RPS6KA5: variants seen among roughly 807,000 people sequenced by gnomAD.
RPS6KA5 encodes ribosomal protein S6 kinase A5.
RPS6KA5 carries 27 observed loss-of-function variants against 85.5 expected under a neutral mutation model. The observed-to-expected ratio is 0.32, with a 90% CI of 0.23 to 0.44. The LOEUF (loss-of-function observed/expected upper bound fraction) is 0.44, where lower values mean the gene tolerates loss of function less well. Ranked by LOEUF, RPS6KA5 falls within the 20% of genes least tolerant of loss-of-function variation. The pLI is 1.00. For synonymous variants in RPS6KA5, 334 were observed against 348.2 expected (o/e 0.96, Z 0.46); for missense variants, 811 against 980.9 (o/e 0.83, Z 2.31).
intron 13 of RPS6KA5, among the ~76,000 whole-genome samples, chr14:90,892,030 G>A (rs1424280016): frequency 1.4e-5 from 2 of 147,926 alleles, no homozygotes; most frequent in African/African-American, 5.0e-5. Context: ...AGACAGTCTT[G>A]CTCTGTTGCC....
chr14:90,860,586 T>C lies in RPS6KA5; in HGVS notation c.*11488A>G, dbSNP rs1595079408. Reference sequence around the variant, plus strand: ...CCTAGTATTTCATACAAGGCAAAAATATCCTTCAAAAATAAAGGTAACATT... The same window carrying C: ...CCTAGTATTTCATACAAGGCAAAAACATCCTTCAAAAATAAAGGTAACATT... On this transcript the variant is annotated 3_prime_UTR_variant, in exon 17 of 17. Coordinates refer to ENST00000614987, the MANE Select transcript of RPS6KA5 (RefSeq NM_004755.4). The C allele has an allele frequency of 2.0e-5, 3 of 152,092 alleles. 1 individual carries two copies. In the South Asian group the frequency reaches 6.2e-4, roughly 32 times the overall value. 9.4% of individuals were successfully genotyped at this position (152,092 alleles called of 1,614,324 possible).
chr14:90,983,433 C>G (rs1188514111), intron 2 of RPS6KA5, among the ~76,000 whole-genome samples: 1 of 151,758 alleles, frequency 6.6e-6, no homozygotes, highest in African/African-American at 2.4e-5. Context: ...GACCCCGTCT[C>G]TACAAAGAAC....
chr14:90,955,222 G>C (rs2038436672), intron 3 of RPS6KA5, among the ~76,000 whole-genome samples: 1 of 152,084 alleles, frequency 6.6e-6, no homozygotes, highest in Non-Finnish European at 1.5e-5. Flanking sequence ...GCTTCATTCT[G>C]TAAGTTTTAG....
intron 15 of RPS6KA5, 146 bp from the exon 16 acceptor site, chr14:90,873,941 A>G: frequency 1.7e-6 from 1 of 603,162 alleles, no homozygotes. Context: ...AGATTTTCCT[A>G]TTCATTTAAA....
At position 90,860,247 on chromosome 14, in the gene RPS6KA5, C is replaced by G. The variant is rs1180111819; in HGVS notation, c.*11827G>C. 1 of 152,156 alleles carries G rather than the reference C, an allele frequency of 6.6e-6. No individual in the cohort carries two copies. The highest frequency in any genetic ancestry group is 1.5e-5 in the Non-Finnish European group (1 of 68,040). 9.4% of individuals were successfully genotyped at this position (152,156 alleles called of 1,614,324 possible). A position where few individuals can be genotyped will look rare whatever the true frequency, so the allele number is the denominator to read the frequency against. On this transcript the variant is annotated 3_prime_UTR_variant, in exon 17 of 17. Coordinates refer to ENST00000614987, the MANE Select transcript of RPS6KA5 (RefSeq NM_004755.4). ...GGAATGATATCTTGAAAATGGTGAACCTAGGCTGGGCGCCAGTAGCTCACA... is the reference window on the plus strand; with the variant it reads ...GGAATGATATCTTGAAAATGGTGAAGCTAGGCTGGGCGCCAGTAGCTCACA...
At chr14:90,970,226 T>C (rs2039255953) in intron 3 of RPS6KA5, among the ~76,000 whole-genome samples, 1 of 152,210 alleles carries the variant, frequency 6.6e-6, no homozygotes, top group Non-Finnish European at 1.5e-5. Context: ...ATCTTATCAA[T>C]CTTGTGAATT....
intron 14 of RPS6KA5, among the ~76,000 whole-genome samples, chr14:90,886,290 A>G (rs958281608): frequency 2.0e-5 from 3 of 152,210 alleles, no homozygotes; most frequent in African/African-American, 7.2e-5. Flanking sequence ...ATTAAAAAAT[A>G]AGGTCCTGAG....
intron 3 of RPS6KA5, among the ~76,000 whole-genome samples, chr14:90,976,640 C>A (rs1570256): frequency 0.48 from 72,145 of 151,826 alleles, 17,615 homozygotes; most frequent in East Asian, 0.56. Flanking sequence ...ACATATATAT[C>A]AAAAAAATCA....
chr14:90,926,467 T>C (rs1218069680), intron 5 of RPS6KA5, among the ~76,000 whole-genome samples: 1 of 151,956 alleles, frequency 6.6e-6, no homozygotes. Flanking sequence ...ATCCAGAATA[T>C]TGCAAAAGTC....
chr14:91,037,312 G>C (rs1468489011), intron 1 of RPS6KA5, among the ~76,000 whole-genome samples: 2 of 152,246 alleles, frequency 1.3e-5, no homozygotes, highest in East Asian at 1.9e-4. Context: ...ACCTATCCTA[G>C]TCACTGCCCC....
chr14:90,983,833 C>T (rs1027373753), intron 2 of RPS6KA5, among the ~76,000 whole-genome samples: 18 of 140,494 alleles, frequency 1.3e-4, no homozygotes, highest in African/African-American at 4.9e-4. Flanking sequence ...CTCTCTCTCT[C>T]TCTCTCTTTC....
In RPS6KA5 at chr14:91,001,119, AT is replaced by A; in HGVS notation, c.143del (p.Asn48IlefsTer5). The A allele has an allele frequency of 6.2e-7, 1 of 1,601,750 alleles. No homozygotes were observed. On this transcript the variant is annotated frameshift_variant, in exon 2 of 17. Coordinates refer to ENST00000614987, the MANE Select transcript of RPS6KA5 (RefSeq NM_004755.4). LOFTEE classifies it high-confidence loss of function. ...TTCCTAGGACCTTCAGGAGCTCAAA[AT>A]TTTCTATTCCCACCTTCTCAGCATG... ...TGHAEKVGIE[N>X]FELLKVLGTG...
intron 14 of RPS6KA5, among the ~76,000 whole-genome samples, chr14:90,884,338 T>C (rs1378545839): frequency 6.6e-6 from 1 of 152,144 alleles, no homozygotes; most frequent in African/African-American, 2.4e-5. Flanking sequence ...CAAAACAAAC[T>C]TTCTGAGCGC....
intron 3 of RPS6KA5, among the ~76,000 whole-genome samples, chr14:90,976,144 A>T (rs933753904): frequency 2.6e-5 from 4 of 151,606 alleles, no homozygotes; most frequent in African/African-American, 4.8e-5. Context: ...CATGTTTTAT[A>T]AAAAAATTAC....
At chr14:90,979,770 G>A (rs1475455690) in intron 2 of RPS6KA5, among the ~76,000 whole-genome samples, 2 of 152,242 alleles carry the variant, frequency 1.3e-5, no homozygotes, top group African/African-American at 4.8e-5. Flanking sequence ...AAAACAGCCA[G>A]TGAAGCTGGT....
At chr14:90,956,008 A>C (rs1358094486) in intron 3 of RPS6KA5, among the ~76,000 whole-genome samples, 3 of 152,238 alleles carry the variant, frequency 2.0e-5, no homozygotes, top group African/African-American at 7.2e-5. Context: ...ACAACCATAG[A>C]AAATAATGCA....
intron 7 of RPS6KA5, among the ~76,000 whole-genome samples, chr14:90,914,261 T>C (rs2035986642): frequency 6.7e-6 from 1 of 150,086 alleles, no homozygotes; most frequent in African/African-American, 2.5e-5. Flanking sequence ...GGCAGACTGA[T>C]GATGTTTCTG....
intron 5 of RPS6KA5, among the ~76,000 whole-genome samples, chr14:90,929,876 T>TC (rs1428117692): frequency 1.6e-4 from 24 of 152,142 alleles, no homozygotes; most frequent in Non-Finnish European, 3.4e-4. Flanking sequence ...GGCTTTTTTT[T>TC]CTTTTCTTTT....
Position 91,053,033 on chromosome 14 carries a change from T to C in RPS6KA5, c.103+7299A>G, listed in dbSNP as rs77539400. On this transcript the variant is annotated intron_variant, in intron 1 of 16. Coordinates refer to ENST00000614987, the MANE Select transcript of RPS6KA5 (RefSeq NM_004755.4). The stretch of plus-strand genomic sequence containing the variant: ...GATTATATACCATGACAAACAAGAT[T>C]TATCCCAGGAATACAAGGTTGGCTT... Among the ~76,000 whole-genome samples the C allele has an allele frequency of 1.3e-3, 204 of 152,150 alleles. 1 individual carries two copies. The highest frequency in any genetic ancestry group is 4.8e-3 in the African/African-American group (198 of 41,514).
Sources: gnomAD v4.1 joint callset for allele counts (sites outside exome capture counted in the v4.1 genomes callset) on GRCh38, gnomAD v4.1.1 for gene constraint, MANE v1.5 for transcripts, NCBI Gene and HGNC (gene_info 2026-07-23, HGNC 2026-07-21) for gene names.